LRRK1: variants seen among roughly 807,000 people sequenced by gnomAD.
LRRK1 encodes the protein leucine-rich repeat serine/threonine-protein kinase 1.
Under a neutral mutation model 209.1 loss-of-function variants are expected in LRRK1, and 113 were observed. That is an observed-to-expected ratio of 0.54 (90% CI 0.46 to 0.63). The LOEUF is 0.63. Ranked by LOEUF, LRRK1 falls within the 30% of genes least tolerant of loss-of-function variation. The pLI is 0.00. For missense variants in LRRK1, 2,284 were observed against 2,632.2 expected (o/e 0.87, Z 2.89); for synonymous variants, 1,144 against 1,099.7 (o/e 1.04, Z -0.80).
At chr15:100,972,844 A>C (rs926673096) in intron 2 of LRRK1, among the ~76,000 whole-genome samples, 3 of 152,026 alleles carry the variant, frequency 2.0e-5, no homozygotes, top group African/African-American at 7.2e-5. Flanking sequence ...TATGGAGAGA[A>C]AGCTTTTTAC....
chr15:101,009,217 C>CT (rs1351987475), intron 7 of LRRK1, among the ~76,000 whole-genome samples, 154 bp downstream of exon 7: 2 of 152,264 alleles, frequency 1.3e-5, no homozygotes, highest in African/African-American at 4.8e-5. Flanking sequence ...GCAAGCCTCC[C>CT]TTTCAGGTTA....
Position 101,076,196 on chromosome 15 carries a change from G to T in LRRK1, c.*7348G>T, listed in dbSNP as rs1380237733. The T allele has an allele frequency of 2.0e-5, 3 of 152,156 alleles. No homozygotes were observed. Among genetic ancestry groups the T allele is most frequent in the African/African-American group, 7.2e-5 (3 of 41,432 alleles). The allele number at this position is 152,156 out of a possible 1,614,324, so 9.4% of individuals were successfully genotyped here. A position where few individuals can be genotyped will look rare whatever the true frequency, so the allele number is the denominator to read the frequency against. On this transcript the variant is annotated 3_prime_UTR_variant, in exon 34 of 34. Transcript: ENST00000388948. Reference sequence around the variant, plus strand: ...GCCCTCATGTCTCTGTGCAGCGGCTGCTGCCACCCTAATACTTTTAGAGGC... The same window carrying T: ...GCCCTCATGTCTCTGTGCAGCGGCTTCTGCCACCCTAATACTTTTAGAGGC...
intron 20 of LRRK1, among the ~76,000 whole-genome samples, chr15:101,041,717 C>T (rs1213982483): frequency 1.3e-5 from 2 of 152,190 alleles, no homozygotes; most frequent in Non-Finnish European, 2.9e-5. Context: ...TCCCCCTTAT[C>T]CACAGCTGGT....
At chr15:101,046,721 A>G (rs914182472) in intron 21 of LRRK1, among the ~76,000 whole-genome samples, 4 of 152,216 alleles carry the variant, frequency 2.6e-5, no homozygotes, top group Admixed American at 1.3e-4. Flanking sequence ...TAAGGCTCCC[A>G]GGCGAGTCCC....
intron 19 of LRRK1, among the ~76,000 whole-genome samples, 163 bp from the exon 20 acceptor site, chr15:101,028,793 G>A (rs1418174516): frequency 6.6e-6 from 1 of 152,244 alleles, no homozygotes; most frequent in Non-Finnish European, 1.5e-5. Context: ...CAGGGCACCT[G>A]TGATCAGGCT....
At chr15:100,950,874 CG>C in intron 2 of LRRK1, among the ~76,000 whole-genome samples, 1 of 152,290 alleles carries the variant, frequency 6.6e-6, no homozygotes, top group South Asian at 2.1e-4. Context: ...GAGGCCAAGG[CG>C]GGCAGATCAC....
intron 20 of LRRK1, chr15:101,044,264 GCTT>G (rs1172262838): frequency 1.3e-5 from 2 of 152,192 alleles, no homozygotes; most frequent in Non-Finnish European, 2.9e-5. Flanking sequence ...AAGCCTTTGT[GCTT>G]CTTTCAGGAG....
chr15:100,930,120 G>C (rs910312878), intron 2 of LRRK1, among the ~76,000 whole-genome samples: 2 of 152,224 alleles, frequency 1.3e-5, no homozygotes, highest in Non-Finnish European at 2.9e-5. Context: ...CCTTTCTGTG[G>C]GCAGCTCTGG....
chr15:101,067,892 A>G (rs1268432640), intron 33 of LRRK1, among the ~76,000 whole-genome samples: 1 of 152,184 alleles, frequency 6.6e-6, no homozygotes. Context: ...TCTCCTATTC[A>G]TCCCTAAAGC....
At chr15:101,065,290 T>G (rs2036463934) in intron 31 of LRRK1, 62 bp from the exon 32 acceptor site, 1 of 1,566,644 alleles carries the variant, frequency 6.4e-7, no homozygotes, top group East Asian at 2.2e-5. Flanking sequence ...GTGCCTACTC[T>G]GTGTCTCTCT....
chr15:101,002,397 C>T (rs1297407176), intron 6 of LRRK1, among the ~76,000 whole-genome samples: 1 of 152,234 alleles, frequency 6.6e-6, no homozygotes, highest in Non-Finnish European at 1.5e-5. Context: ...TTGCACTGAG[C>T]CTTCTCGAGA....
At chr15:100,953,508 C>CTATATATATA (rs60971994) in intron 2 of LRRK1, among the ~76,000 whole-genome samples, 1 of 146,588 alleles carries the variant, frequency 6.8e-6, no homozygotes, top group African/African-American at 2.5e-5. Context: ...ATGTGTGTGT[C>CTATATATATA]TATATATATA....
chr15:101,018,547 G>A (rs986442718), intron 12 of LRRK1, among the ~76,000 whole-genome samples: 2 of 152,152 alleles, frequency 1.3e-5, no homozygotes, highest in Non-Finnish European at 1.5e-5. Context: ...AATCCTTCCT[G>A]GGACCACGGA....
In LRRK1 at chr15:101,065,840, C is replaced by T. The variant is rs953939509; in HGVS notation, c.5403C>T (p.His1801=). 6.2e-7 allele frequency: 1 copy of T among 1,614,146 alleles called. No individual in the cohort carries two copies. Residue 1801 remains histidine, a synonymous_variant, in exon 32 of 34, where the codon CAC becomes CAT. Transcript: ENST00000388948. ...PLDTEPPAAS[H]TANPKVPEGD... is the part of the protein sequence containing the mutation. ...ACACGGAACCCCCGGCAGCCAGCCACACGGCCAACCCAAAGGTGCCTGAGG... is the reference window on the plus strand; with the variant it reads ...ACACGGAACCCCCGGCAGCCAGCCATACGGCCAACCCAAAGGTGCCTGAGG...
intron 6 of LRRK1, among the ~76,000 whole-genome samples, chr15:101,007,141 C>T (rs151320774): frequency 2.6e-5 from 4 of 152,358 alleles, no homozygotes; most frequent in African/African-American, 9.6e-5. Context: ...AGGCGCTCAT[C>T]GCCATCTGGT....
chr15:101,055,263 G>A lies in LRRK1; in HGVS notation c.4332+40G>A. ...CCCCTGGCCCAGCCCCACAGTGTAG[G>A]AGCCCAGCCCTCAGGCTAGCCGGGC... On this transcript the variant is annotated intron_variant, in intron 27 of 33. Coordinates refer to ENST00000388948, the MANE Select transcript of LRRK1 (RefSeq NM_024652.6). 5 of 1,501,230 alleles carry A rather than the reference G, an allele frequency of 3.3e-6. No homozygotes were observed. In the South Asian group the frequency reaches 5.5e-5, roughly 17 times the overall value. The allele number at this position is 1,501,230 out of a possible 1,614,324, so 93.0% of individuals were successfully genotyped here. A position where few individuals can be genotyped will look rare whatever the true frequency, so the allele number is the denominator to read the frequency against.
At chr15:100,984,321 C>G (rs2031757683) in intron 4 of LRRK1, among the ~76,000 whole-genome samples, 1 of 152,210 alleles carries the variant, frequency 6.6e-6, no homozygotes, top group Admixed American at 6.5e-5. Context: ...TACCTTCTTA[C>G]TAACTAAAGT....
rs1210374658 is a variant in LRRK1 at position 101,057,268 on chromosome 15, C to G, written c.4527+218C>G. ...TACGAAACAAACTTCCTTTTCCTCC[C>G]CGACTTTTGTGTTACTTCACCGTGC... On this transcript the variant is annotated intron_variant, in intron 28 of 33. Coordinates refer to ENST00000388948, the MANE Select transcript of LRRK1 (RefSeq NM_024652.6). 2.0e-5 allele frequency among the ~76,000 whole-genome samples: 3 copies of G among 152,194 alleles called. No homozygotes were observed. In the East Asian group the frequency reaches 5.8e-4, roughly 29 times the overall value.
intron 2 of LRRK1, among the ~76,000 whole-genome samples, chr15:100,952,133 G>A (rs1364653813): frequency 2.0e-5 from 3 of 152,162 alleles, no homozygotes; most frequent in Admixed American, 2.0e-4. Flanking sequence ...AAACTGTAGA[G>A]ATAGAAAGTA....
Sources: allele counts gnomAD v4.1 joint callset (sites outside exome capture counted in the v4.1 genomes callset), GRCh38; gene constraint gnomAD v4.1.1; transcripts MANE v1.5; gene names NCBI Gene and HGNC (gene_info 2026-07-23, HGNC 2026-07-21).